SYT1: variants seen among roughly 807,000 people sequenced by gnomAD.
SYT1 encodes synaptotagmin 1, also known as synaptotagmin-1.
In SYT1, 8 loss-of-function variants were observed where a neutral mutation model predicts 44.8. The ratio of observed to expected loss-of-function variants is 0.18; its 90% confidence interval spans 0.10 to 0.32. The LOEUF (loss-of-function observed/expected upper bound fraction) is 0.32. Among genes scored for constraint, SYT1 ranks in the 10% least tolerant of loss-of-function variants. The pLI, the probability that SYT1 is intolerant of heterozygous loss-of-function variation, is 1.00. For synonymous variants in SYT1, 154 were observed against 188.8 expected (o/e 0.82, Z 1.51); for missense variants, 286 against 509.3 (o/e 0.56, Z 4.22).
intron 4 of SYT1, among the ~76,000 whole-genome samples, chr12:79,235,226 A>G (rs1284081019): frequency 2.0e-5 from 3 of 152,218 alleles, no homozygotes; most frequent in Non-Finnish European, 2.9e-5. Context: ...CAGGTGATAT[A>G]TGAGAGTTCT....
intron 9 of SYT1, among the ~76,000 whole-genome samples, chr12:79,357,949 G>A (rs1883175951): frequency 6.6e-6 from 1 of 152,292 alleles, no homozygotes; most frequent in South Asian, 2.1e-4. Flanking sequence ...GTATGAGGCT[G>A]TGTGTCTCAT....
Position 79,365,400 on chromosome 12 carries a change from G to A in SYT1, c.928+11781G>A, listed in dbSNP as rs184343389. Among the ~76,000 whole-genome samples the A allele has an allele frequency of 4.4e-3, 669 of 151,962 alleles. 3 individuals carry two copies. Among genetic ancestry groups the A allele is most frequent in the African/African-American group, 0.014 (599 of 41,450 alleles). ...ATGAGAAAAACTATATAAATTCACT[G>A]AAAGACTTCAAATGAGACCTAAATA... On this transcript the variant is annotated intron_variant, in intron 9 of 10. Transcript: ENST00000261205.
chr12:79,031,397 T>C (rs1185404310), intron 2 of SYT1, among the ~76,000 whole-genome samples: 1 of 151,142 alleles, frequency 6.6e-6, no homozygotes, highest in Non-Finnish European at 1.5e-5. Context: ...CCATGTTAAG[T>C]TATTTTCTTA....
At chr12:79,096,373 T>G (rs1458872380) in intron 3 of SYT1, among the ~76,000 whole-genome samples, 1 of 151,934 alleles carries the variant, frequency 6.6e-6, no homozygotes, top group Non-Finnish European at 1.5e-5. Context: ...GCCAAAGAGG[T>G]ACACTCTGAG....
intron 9 of SYT1, among the ~76,000 whole-genome samples, chr12:79,435,388 C>T (rs115304633): frequency 2.0e-5 from 3 of 152,164 alleles, no homozygotes; most frequent in African/African-American, 4.8e-5. Context: ...AGGCAGATCT[C>T]GAACTTCTGG....
intron 1 of SYT1, among the ~76,000 whole-genome samples, chr12:78,946,602 G>A (rs1266545805): frequency 6.6e-6 from 1 of 151,824 alleles, no homozygotes; most frequent in Non-Finnish European, 1.5e-5. Flanking sequence ...CAGGAGAATC[G>A]CTTGAACCTG....
intron 1 of SYT1, among the ~76,000 whole-genome samples, chr12:78,891,783 T>C (rs1301690916): frequency 2.6e-5 from 4 of 151,840 alleles, no homozygotes; most frequent in South Asian, 2.1e-4. Context: ...ATCTGTGAAG[T>C]AGTCTTCCCT....
At chr12:79,124,948 A>G (rs991334284) in intron 3 of SYT1, among the ~76,000 whole-genome samples, 1 of 152,132 alleles carries the variant, frequency 6.6e-6, no homozygotes, top group African/African-American at 2.4e-5. Context: ...GAAAGAAAGG[A>G]GGGAAATTGA....
chr12:79,330,199 C>T (rs143592235), intron 8 of SYT1, among the ~76,000 whole-genome samples: 5 of 152,270 alleles, frequency 3.3e-5, no homozygotes, highest in African/African-American at 7.2e-5. Context: ...GACCTTGAGA[C>T]GGTCATTCAG....
rs1565963111 is a variant in SYT1, at chr12:79,449,282, T to C, written c.*158T>C. The C allele has an allele frequency of 1.3e-6, 1 of 769,214 alleles. No homozygotes were observed. 47.6% of individuals were successfully genotyped at this position (769,214 alleles called of 1,614,324 possible). A position where few individuals can be genotyped will look rare whatever the true frequency, so the allele number is the denominator to read the frequency against. The stretch of plus-strand genomic sequence containing the variant: ...CTGTTTTAATTTGCACAAATTTAAA[T>C]GTAGAGAGCCCCTAAGTCCTTCATC... On this transcript the variant is annotated 3_prime_UTR_variant, in exon 11 of 11. Transcript: ENST00000261205.
intron 3 of SYT1, among the ~76,000 whole-genome samples, chr12:79,136,863 T>A (rs1565822204): frequency 6.6e-6 from 1 of 152,210 alleles, no homozygotes; most frequent in Non-Finnish European, 1.5e-5. Flanking sequence ...ATATTAAAAT[T>A]GATTTCCTTC....
At chr12:79,383,683 A>G (rs953662226) in intron 9 of SYT1, among the ~76,000 whole-genome samples, 8 of 152,208 alleles carry the variant, frequency 5.3e-5, no homozygotes, top group African/African-American at 1.9e-4. Context: ...TTGTTGAAAC[A>G]GCTTTCAAAT....
Position 79,299,569 on chromosome 12 carries a change from A to G in SYT1, c.810+18A>G. The G allele has an allele frequency of 6.2e-7, 1 of 1,609,222 alleles. No individual in the cohort carries two copies. Among genetic ancestry groups the G allele is most frequent in the Non-Finnish European group, 8.5e-7 (1 of 1,178,110 alleles). On this transcript the variant is annotated intron_variant, in intron 8 of 10. Transcript: ENST00000261205. ...AGGAAGAGGTAAGGGAATTACTAGC[A>G]TTTCTAACATCACAAGCTGTACTCG...
At position 78,910,063 on chromosome 12, in the gene SYT1, A is replaced by T. The variant is rs148894404; in HGVS notation, c.-217+44954A>T. ...GTTGTTTCCTGCTTTATTCATGTAC[A>T]TCCAAGAATCACTACATTTCATATC... On this transcript the variant is annotated intron_variant, in intron 1 of 10. Coordinates refer to ENST00000261205, the MANE Select transcript of SYT1 (RefSeq NM_005639.3). Among the ~76,000 whole-genome samples the T allele has an allele frequency of 3.7e-3, 567 of 152,038 alleles. 8 individuals carry two copies. Among genetic ancestry groups the T allele is most frequent in the African/African-American group, 0.013 (538 of 41,506 alleles).
intron 1 of SYT1, among the ~76,000 whole-genome samples, chr12:78,898,590 C>T (rs1875489464): frequency 6.6e-6 from 1 of 151,908 alleles, no homozygotes; most frequent in South Asian, 2.1e-4. Flanking sequence ...ATTCTATGGC[C>T]CTAGTTAGAT....
intron 3 of SYT1, among the ~76,000 whole-genome samples, chr12:79,101,211 C>T (rs74476321): frequency 0.023 from 3,485 of 152,230 alleles, 117 homozygotes; most frequent in South Asian, 0.11. Context: ...TAATTCATAG[C>T]ACTATTCACA....
rs1289579698 is a variant in SYT1, at chr12:79,177,793, G to T, written c.-17-39710G>T. On this transcript the variant is annotated intron_variant, in intron 3 of 10. Coordinates refer to ENST00000261205, the MANE Select transcript of SYT1 (RefSeq NM_005639.3). ...GGTTTTGATTTGCATTTCTCTGATGGCCAGTGATGATGAGCATTTCTTCAT... is the reference window on the plus strand; with the variant it reads ...GGTTTTGATTTGCATTTCTCTGATGTCCAGTGATGATGAGCATTTCTTCAT... Among the ~76,000 whole-genome samples the T allele has an allele frequency of 1.1e-4, 14 of 122,946 alleles. No homozygotes were observed. In the East Asian group the frequency reaches 1.8e-3, roughly 16 times the overall value. The allele number at this position is 122,946 out of a possible 152,430, so 80.7% of individuals were successfully genotyped here. A position where few individuals can be genotyped will look rare whatever the true frequency, so the allele number is the denominator to read the frequency against.
At chr12:79,435,361 G>A (rs556903450) in intron 9 of SYT1, among the ~76,000 whole-genome samples, 17 of 152,274 alleles carry the variant, frequency 1.1e-4, no homozygotes, top group African/African-American at 4.1e-4. Flanking sequence ...GGAGAATGGG[G>A]TCTTGCTATA....
chr12:79,260,615 A>G (rs1041261670), intron 4 of SYT1, among the ~76,000 whole-genome samples: 11 of 152,124 alleles, frequency 7.2e-5, no homozygotes, highest in African/African-American at 2.7e-4. Context: ...CCCAGGTTTG[A>G]ACTTTCTCAG....
Sources: allele counts gnomAD v4.1 joint callset (sites outside exome capture counted in the v4.1 genomes callset), GRCh38; gene constraint gnomAD v4.1.1; transcripts MANE v1.5; gene names NCBI Gene and HGNC (gene_info 2026-07-23, HGNC 2026-07-21).